CNTLN: variants seen among roughly 807,000 people sequenced by gnomAD.
CNTLN encodes the protein centlein.
CNTLN carries 212 observed loss-of-function variants against 180.0 expected under a neutral mutation model. The ratio of observed to expected loss-of-function variants is 1.18; its 90% CI spans 1.05 to 1.32. The LOEUF is 1.32. Ranked by LOEUF, CNTLN falls within the 40% of genes most tolerant of loss-of-function variation. The probability of loss-of-function intolerance (pLI) is 0.00; values close to 1 mark genes in which losing one functional copy is unlikely to be tolerated. For synonymous variants in CNTLN, 722 were observed against 563.1 expected, an observed-to-expected ratio of 1.28 and a Z score of -3.99; for missense variants, 2,095 against 1,610.9, an observed-to-expected ratio of 1.30 and a Z score of -5.14.
chr9:17,185,832 G>A (rs1034585121), intron 2 of CNTLN, among the ~76,000 whole-genome samples: 5 of 142,402 alleles, frequency 3.5e-5, no homozygotes, highest in Non-Finnish European at 6.0e-5. Context: ...CTGCTCTGTT[G>A]CCCAGGCTAG....
At chr9:17,311,644 A>G (rs1223105381) in intron 8 of CNTLN, among the ~76,000 whole-genome samples, 1 of 151,746 alleles carries the variant, frequency 6.6e-6, no homozygotes, top group East Asian at 2.0e-4. Flanking sequence ...CCCTTCCTCT[A>G]CTAGAAATAC....
At chr9:17,393,517 A>C (rs1826266181) in intron 14 of CNTLN, among the ~76,000 whole-genome samples, 2 of 152,164 alleles carry the variant, frequency 1.3e-5, no homozygotes, top group South Asian at 4.1e-4. Flanking sequence ...GGAAGGGCAC[A>C]AAATCCTGAA....
intron 2 of CNTLN, among the ~76,000 whole-genome samples, chr9:17,211,915 G>A (rs1274495181): frequency 2.0e-5 from 3 of 152,184 alleles, no homozygotes; most frequent in Admixed American, 1.3e-4. Flanking sequence ...TGTATCCTGA[G>A]ACTTTGCTCA....
At chr9:17,345,814 ATAAT>A (rs746936684) in intron 12 of CNTLN, among the ~76,000 whole-genome samples, 2 of 152,132 alleles carry the variant, frequency 1.3e-5, no homozygotes, top group Non-Finnish European at 2.9e-5. Context: ...TAAGAGATAA[ATAAT>A]TTATGTATGG....
At chr9:17,202,406 A>G (rs370657579) in intron 2 of CNTLN, among the ~76,000 whole-genome samples, 4 of 151,532 alleles carry the variant, frequency 2.6e-5, no homozygotes, top group African/African-American at 4.8e-5. Flanking sequence ...TTTCTGTCTC[A>G]TTATTGACAG....
At chr9:17,346,763 G>C (rs1293168250) in intron 12 of CNTLN, among the ~76,000 whole-genome samples, 2 of 152,000 alleles carry the variant, frequency 1.3e-5, no homozygotes, top group African/African-American at 4.8e-5. Context: ...TGTGACTTTT[G>C]TCAAATTTGG....
intron 8 of CNTLN, among the ~76,000 whole-genome samples, chr9:17,312,382 A>G (rs866524597): frequency 1.5e-4 from 17 of 116,204 alleles, no homozygotes; most frequent in South Asian, 2.6e-4. Flanking sequence ...ATATATATAT[A>G]TAATTTATTT....
At chr9:17,450,300 A>C (rs1212111962) in intron 18 of CNTLN, among the ~76,000 whole-genome samples, 1 of 152,172 alleles carries the variant, frequency 6.6e-6, no homozygotes, top group Non-Finnish European at 1.5e-5. Context: ...AGACAACTAC[A>C]CTTCATGAAA....
At chr9:17,451,156 A>G (rs1050105915) in intron 18 of CNTLN, among the ~76,000 whole-genome samples, 81 of 152,252 alleles carry the variant, frequency 5.3e-4, no homozygotes, top group African/African-American at 1.9e-3. Flanking sequence ...CGTTGATTCT[A>G]TTCACAGGAG....
intron 5 of CNTLN, among the ~76,000 whole-genome samples, chr9:17,268,591 G>A (rs1216642905): frequency 6.6e-6 from 1 of 152,168 alleles, no homozygotes; most frequent in African/African-American, 2.4e-5. Flanking sequence ...ATTTATGTCT[G>A]CAGAGGTTAC....
intron 18 of CNTLN, among the ~76,000 whole-genome samples, chr9:17,456,856 C>A (rs1831150950): frequency 6.6e-6 from 1 of 152,022 alleles, no homozygotes; most frequent in Admixed American, 6.6e-5. Context: ...TTTTATACTC[C>A]TTCATAAAAA....
intron 2 of CNTLN, among the ~76,000 whole-genome samples, chr9:17,202,712 A>G (rs1225151379): frequency 1.5e-5 from 1 of 64,560 alleles, no homozygotes; most frequent in African/African-American, 5.4e-5. Flanking sequence ...TCATCCCTTT[A>G]TTTTGAGCCA....
chr9:17,456,601 A>G (rs932230648), intron 18 of CNTLN, among the ~76,000 whole-genome samples: 2 of 152,190 alleles, frequency 1.3e-5, no homozygotes, highest in African/African-American at 4.8e-5. Flanking sequence ...CTTTAGCTAC[A>G]TCTTTTGCTA....
the CNTLN span, among the ~76,000 whole-genome samples, chr9:17,522,924 T>C: frequency 6.6e-6 from 1 of 151,646 alleles, no homozygotes; most frequent in Non-Finnish European, 1.5e-5. Context: ...TCCTGGTTCC[T>C]GTGATTTCCA....
At chr9:17,271,407 T>TTTTC (rs1311031145) in intron 5 of CNTLN, among the ~76,000 whole-genome samples, 1 of 152,108 alleles carries the variant, frequency 6.6e-6, no homozygotes, top group Non-Finnish European at 1.5e-5. Flanking sequence ...TCCTCCTTCG[T>TTTTC]TTTCTTTCTT....
chr9:17,338,337 G>GGTTTTTTTTTT (rs369684809), intron 10 of CNTLN, among the ~76,000 whole-genome samples: 1 of 100,436 alleles, frequency 1.0e-5, no homozygotes, highest in African/African-American at 3.9e-5. Context: ...GCTAATTTTT[G>GGTTTTTTTTTT]TTTTTTTTTT....
At chr9:17,464,816 T>C (rs1329760336) in intron 21 of CNTLN, among the ~76,000 whole-genome samples, 193 bp downstream of exon 21, 1 of 151,198 alleles carries the variant, frequency 6.6e-6, no homozygotes, top group Non-Finnish European at 1.5e-5. Flanking sequence ...ACCTCATACA[T>C]AATATGGCCA....
intron 18 of CNTLN, among the ~76,000 whole-genome samples, chr9:17,442,290 TAAG>T (rs1177400673): frequency 6.6e-6 from 1 of 152,112 alleles, no homozygotes; most frequent in Non-Finnish European, 1.5e-5. Flanking sequence ...ACCTTAAATT[TAAG>T]AAGGTTGAAA....
At chr9:17,188,653 G>C (rs1035254125) in intron 2 of CNTLN, among the ~76,000 whole-genome samples, 2 of 152,010 alleles carry the variant, frequency 1.3e-5, no homozygotes, top group Admixed American at 6.6e-5. Flanking sequence ...CAAGTTTTCT[G>C]ATATTTTCTT....
Sources: allele counts gnomAD v4.1 joint callset (sites outside exome capture counted in the v4.1 genomes callset), GRCh38; gene constraint gnomAD v4.1.1; transcripts MANE v1.5; gene names NCBI Gene and HGNC (gene_info 2026-07-23, HGNC 2026-07-21).